The following PCDH19 variants were observed in gnomAD, a reference collection of about 807,000 sequenced individuals.
PCDH19 encodes protocadherin-19.
PCDH19 carries 6 observed loss-of-function variants against 46.2 expected under a neutral mutation model. The ratio of observed to expected loss-of-function variants is 0.13; its 90% CI spans 0.07 to 0.26. PCDH19 has a LOEUF of 0.26. PCDH19 is among the 10% of genes least tolerant of loss of function. The probability of loss-of-function intolerance (pLI) is 1.00; values close to 1 mark genes in which losing one functional copy is unlikely to be tolerated. For missense variants in PCDH19, 740 were observed against 972.3 expected (o/e 0.76, Z 3.18); for synonymous variants, 481 against 415.7 (o/e 1.16, Z -1.91).
rs751872641 is a variant in PCDH19 at position 100,334,489 on chromosome X, C to A, written c.2848+7414G>T. 1.2e-4 allele frequency among the ~76,000 whole-genome samples: 13 copies of A among 111,515 alleles called. No homozygotes were observed. The South Asian group carries it at 2.7e-3, about 23-fold the overall frequency. ...TCCAGGGCATGATTCCCATAAACCC[C>A]AATCTCATATCAGGATTACATATTT... On this transcript the variant is annotated intron_variant, in intron 5 of 5. Coordinates refer to ENST00000373034, the MANE Select transcript of PCDH19 (RefSeq NM_001184880.2).
At chrX:100,398,641 G>A (rs983273883) in intron 3 of PCDH19, among the ~76,000 whole-genome samples, 6 of 111,954 alleles carry the variant, frequency 5.4e-5, no homozygotes, top group Non-Finnish European at 9.4e-5. Context: ...ACTCTCTGAG[G>A]GCAGAAGTTA....
At chrX:100,309,280 G>A (rs775404189) in intron 5 of PCDH19, among the ~76,000 whole-genome samples, 3 of 111,541 alleles carry the variant, frequency 2.7e-5, no homozygotes, top group East Asian at 5.7e-4. Context: ...AGCAACTCAG[G>A]AATGGAAAAC....
In PCDH19 at chrX:100,399,147, AATAAT is replaced by A. The variant is rs766903506; in HGVS notation, c.2616+3372_2616+3376del. Among the ~76,000 whole-genome samples, 6 of 112,116 alleles carry A rather than the reference AATAAT, an allele frequency of 5.4e-5. No homozygotes were observed. In the East Asian group the frequency reaches 1.1e-3, roughly 21 times the overall value. On this transcript the variant is annotated intron_variant, in intron 3 of 5. Coordinates refer to ENST00000373034, the MANE Select transcript of PCDH19 (RefSeq NM_001184880.2). The stretch of plus-strand genomic sequence containing the variant: ...AACAAATGAAAGAATGGTTTAATGA[AATAAT>A]ATAAAGAACAATGTAAGTAACATAA...
At chrX:100,333,183 G>GAGAGAAAGAAAGAA (rs1489789460) in intron 5 of PCDH19, among the ~76,000 whole-genome samples, 1 of 43,440 alleles carries the variant, frequency 2.3e-5, no homozygotes, top group African/African-American at 7.8e-5. Context: ...GGGAGAGAGA[G>GAGAGAAAGAAAGAA]AGAAAGAAAG....
At chrX:100,385,780 G>A (rs559110676) in intron 3 of PCDH19, among the ~76,000 whole-genome samples, 1 of 111,152 alleles carries the variant, frequency 9.0e-6, no homozygotes, top group South Asian at 3.9e-4. Flanking sequence ...TGTACTCCCA[G>A]ATACTTGGGA....
At chrX:100,309,152 A>G (rs1925044837) in intron 5 of PCDH19, among the ~76,000 whole-genome samples, 2 of 75,922 alleles carry the variant, frequency 2.6e-5, no homozygotes, top group Non-Finnish European at 5.3e-5. Context: ...AATGTGATGC[A>G]TGCACACACA....
intron 4 of PCDH19, among the ~76,000 whole-genome samples, chrX:100,346,266 A>G (rs778791609): frequency 5.3e-5 from 6 of 112,585 alleles, no homozygotes; most frequent in Non-Finnish European, 9.4e-5. Context: ...TCCAAAAGAC[A>G]TAAGACTCAG....
At chrX:100,369,267 GC>G (rs1927155247) in intron 3 of PCDH19, among the ~76,000 whole-genome samples, 2 of 111,214 alleles carry the variant, frequency 1.8e-5, no homozygotes, top group African/African-American at 6.5e-5. Flanking sequence ...CCACTACAAA[GC>G]TGCTAAGGGT....
At chrX:100,328,032 T>C (rs1480105017) in intron 5 of PCDH19, among the ~76,000 whole-genome samples, 1 of 112,004 alleles carries the variant, frequency 8.9e-6, no homozygotes, top group Non-Finnish European at 1.9e-5. Flanking sequence ...GGATCCTAGA[T>C]GATTAATATT....
chrX:100,387,621 G>C (rs1326598794), intron 3 of PCDH19, among the ~76,000 whole-genome samples: 5 of 111,679 alleles, frequency 4.5e-5, no homozygotes, highest in Non-Finnish European at 7.5e-5. Context: ...ATAAGTTGCA[G>C]TTAAATTTTA....
rs111960928 is a variant in PCDH19 at position 100,402,718 on chromosome X, T to A, written c.2422A>T (p.Thr808Ser). ...TAGTCAAAATAGTTGAGGGAGGAGG[T>A]CAGGGAAGAGCAACTGACAACGTTC... is the stretch of plus-strand genomic sequence containing the variant. ...KMNVVSCSSL[T>S]SSLNYFDYHQ... The change falls in exon 3 of 6, where the codon ACC becomes TCC. Residue 808 changes from threonine to serine, a missense_variant. By Grantham distance (58) the Thr-to-Ser change is moderately conservative. Around this residue, in one of 5 missense-constraint regions of PCDH19, gnomAD observed 416 missense variants for 476.8 expected, o/e 0.87. Coordinates refer to ENST00000373034, the MANE Select transcript of PCDH19 (RefSeq NM_001184880.2). The A allele has an allele frequency of 8.3e-7, 1 of 1,209,902 alleles. No individual in the cohort carries two copies. The highest frequency in any genetic ancestry group is 2.2e-5 in the Admixed American group (1 of 46,021).
At chrX:100,397,249 T>C (rs1370237826) in intron 3 of PCDH19, among the ~76,000 whole-genome samples, 1 of 112,207 alleles carries the variant, frequency 8.9e-6, no homozygotes, top group Non-Finnish European at 1.9e-5. Flanking sequence ...ATGTTTTATT[T>C]TCATTATTTC....
chrX:100,348,645 T>C (rs1456941301), intron 4 of PCDH19, among the ~76,000 whole-genome samples: 1 of 111,870 alleles, frequency 8.9e-6, no homozygotes, highest in East Asian at 2.8e-4. Flanking sequence ...CAAGAGCCCA[T>C]TAAGTCTAGG....
chrX:100,296,607 G>A lies in PCDH19; in HGVS notation c.3117C>T (p.Val1039=), dbSNP rs587781106. Residue 1039 remains valine (V), a synonymous_variant, in exon 6 of 6, where the codon GTC becomes GTT. Coordinates refer to ENST00000373034, the MANE Select transcript of PCDH19 (RefSeq NM_001184880.2). Reference sequence around the variant, plus strand: ...CCTTGGGGCTGCAGATGGTCACATCGACAGTCCTCTTGCCTTTCAGGGTAG... The same window carrying A: ...CCTTGGGGCTGCAGATGGTCACATCAACAGTCCTCTTGCCTTTCAGGGTAG... The part of the protein sequence containing the change: ...ERPTLKGKRT[V]DVTICSPKVN... 2.0e-5 allele frequency: 24 copies of A among 1,209,437 alleles called. No homozygotes were observed. The highest frequency in any genetic ancestry group is 4.4e-5 in the Admixed American group (2 of 45,755).
intron 5 of PCDH19, among the ~76,000 whole-genome samples, chrX:100,331,685 A>G (rs1190551868): frequency 9.0e-6 from 1 of 111,381 alleles, no homozygotes; most frequent in African/African-American, 3.3e-5. Flanking sequence ...TGCTGTTCTG[A>G]TGATGGTGAG....
At chrX:100,337,005 C>G (rs971215554) in intron 5 of PCDH19, among the ~76,000 whole-genome samples, 1 of 111,410 alleles carries the variant, frequency 9.0e-6, no homozygotes, top group Non-Finnish European at 1.9e-5. Flanking sequence ...CCAGCCCCCA[C>G]TACTTAGCTC....
intron 5 of PCDH19, among the ~76,000 whole-genome samples, chrX:100,297,558 G>C (rs1181714797): frequency 9.0e-6 from 1 of 111,668 alleles, no homozygotes; most frequent in Non-Finnish European, 1.9e-5. Context: ...GCAAACATCA[G>C]TGACATGTTG....
rs1049876302 is a variant in PCDH19, at chrX:100,375,154, G to A, written c.2617-24450C>T. Among the ~76,000 whole-genome samples the A allele has an allele frequency of 6.3e-5, 7 of 111,369 alleles. No individual in the cohort carries two copies. In the East Asian group the frequency reaches 1.4e-3, roughly 23 times the overall value. On this transcript the variant is annotated intron_variant, in intron 3 of 5. Transcript: ENST00000373034. ...TTTTTATTATACTTTAAGTTCTAGG[G>A]TACATGTGCACAACGTGCAGGTTAC...
intron 5 of PCDH19, among the ~76,000 whole-genome samples, chrX:100,337,827 A>G (rs1188201658): frequency 3.6e-5 from 4 of 111,944 alleles, no homozygotes; most frequent in Non-Finnish European, 7.5e-5. Context: ...GAAATGATAA[A>G]TGTTTGAGGT....
Sources: gnomAD v4.1 joint callset for allele counts (sites outside exome capture counted in the v4.1 genomes callset) on GRCh38, gnomAD v4.1.1 for gene constraint, gnomAD v4.1.1 regional missense constraint, MANE v1.5 for transcripts, NCBI Gene and HGNC (gene_info 2026-07-23, HGNC 2026-07-21) for gene names.